ANKRD61: variants seen among roughly 807,000 people sequenced by gnomAD.
ANKRD61 encodes ankyrin repeat domain 61.
A neutral mutation model predicts 8.4 loss-of-function variants in ANKRD61; 7 were observed. That is an observed-to-expected ratio of 0.84 (90% CI 0.48 to 1.57). The LOEUF (loss-of-function observed/expected upper bound fraction) is 1.57. Among genes scored for constraint, ANKRD61 ranks in the 40% most tolerant of loss-of-function variants. ANKRD61 has a pLI of 0.00. For missense variants in ANKRD61, 516 were observed against 523.4 expected (o/e 0.99, Z 0.14); for synonymous variants, 198 against 208.0 (o/e 0.95, Z 0.41).
Position 6,035,109 on chromosome 7 carries a change from C to T in ANKRD61, c.315-335C>T, listed in dbSNP as rs1420530241. ...AGATACAGCCTTGAAGGGACACAGC[C>T]CTAGCGGGGACGGCACAGGTAAAAC... On this transcript the variant is annotated intron_variant, in intron 2 of 2. Transcript: ENST00000409061. This position sits in a 1 kb window ranked among gnomAD's most constrained non-coding sequence, Gnocchi z 5.5. Among the ~76,000 whole-genome samples, 1 of 152,136 alleles carries T rather than the reference C, an allele frequency of 6.6e-6. No individual in the cohort carries two copies. Among genetic ancestry groups the T allele is most frequent in the East Asian group, 1.9e-4 (1 of 5,204 alleles).
Position 6,035,026 on chromosome 7 carries a change from C to A in ANKRD61, c.315-418C>A, listed in dbSNP as rs1032218155. 6.6e-6 allele frequency among the ~76,000 whole-genome samples: 1 copy of A among 152,154 alleles called. No individual in the cohort carries two copies. The highest frequency in any genetic ancestry group is 2.4e-5 in the African/African-American group (1 of 41,426). On this transcript the variant is annotated intron_variant, in intron 2 of 2. Transcript: ENST00000409061. This position sits in a 1 kb window ranked among gnomAD's most constrained non-coding sequence, Gnocchi z 5.5. ...TCACACTCAAGTCCACACAATTTCA[C>A]AGAAAGCCAGTAACCCAGCCCAGCA...
chr7:6,035,707 A>C lies in ANKRD61; in HGVS notation c.578A>C (p.Asp193Ala). The C allele has an allele frequency of 6.4e-7, 1 of 1,550,856 alleles. No homozygotes were observed. Among genetic ancestry groups the C allele is most frequent in the Non-Finnish European group, 8.7e-7 (1 of 1,147,074 alleles). Reference protein sequence around the residue: ...VLSILTQNGADVNAINEASMT... With the variant: ...VLSILTQNGAAVNAINEASMT... ...TCCATTTTGACCCAAAATGGTGCCG[A>C]TGTCAATGCTATTAATGAAGCCAGC... The change falls in exon 3 of 3, where the codon GAT becomes GCT. Residue 193 changes from aspartate (D) to alanine (A), a missense_variant. Coordinates refer to ENST00000409061, the MANE Select transcript of ANKRD61 (RefSeq NM_001271700.2). The surrounding 1 kb of genome is among the most constrained non-coding windows in gnomAD (Gnocchi z 5.5).
chr7:6,036,009 A>G lies in ANKRD61; in HGVS notation c.880A>G (p.Ile294Val). The G allele has an allele frequency of 6.4e-7, 1 of 1,551,148 alleles. No individual in the cohort carries two copies. Among genetic ancestry groups the G allele is most frequent in the South Asian group, 1.2e-5 (1 of 84,060 alleles). ...ATGCTTTGGAGGCAGAGAGGCAATC[A>G]TCAATCTCCTGCTTGAATTTGAAGC... ...EACFGGREAI[I>V]NLLLEFEANV... The change falls in exon 3 of 3, where the codon ATC becomes GTC. Residue 294 changes from isoleucine (I) to valine (V), a missense_variant. Ile to Val is a conservative substitution (Grantham distance 29). Coordinates refer to ENST00000409061, the MANE Select transcript of ANKRD61 (RefSeq NM_001271700.2). This position sits in a 1 kb window ranked among gnomAD's most constrained non-coding sequence, Gnocchi z 4.6.
rs1787963678 is a variant in ANKRD61 at position 6,033,068 on chromosome 7, A to C, written c.314+132A>C. On this transcript the variant is annotated intron_variant, in intron 2 of 2. Coordinates refer to ENST00000409061, the MANE Select transcript of ANKRD61 (RefSeq NM_001271700.2). This position sits in a 1 kb window ranked among gnomAD's most constrained non-coding sequence, Gnocchi z 4.4. Reference sequence around the variant, plus strand: ...ACTGCAACCTCTACTTCCTGGGTTCAAGAGCTTCTCCCACCTCAGCCTCCC... The same window carrying C: ...ACTGCAACCTCTACTTCCTGGGTTCCAGAGCTTCTCCCACCTCAGCCTCCC... The C allele has an allele frequency of 1.4e-6, 1 of 695,886 alleles. No individual in the cohort carries two copies. Among genetic ancestry groups the C allele is most frequent in the Non-Finnish European group, 2.3e-6 (1 of 435,762 alleles). 43.1% of individuals were successfully genotyped at this position (695,886 alleles called of 1,614,324 possible).
At chr7:6,034,328 C>T (rs1315954429) in intron 2 of ANKRD61, among the ~76,000 whole-genome samples, 2 of 151,882 alleles carry the variant, frequency 1.3e-5, no homozygotes, top group Non-Finnish European at 2.9e-5. Flanking sequence ...AATAATAGAA[C>T]TTCTTGCCCC....
At position 6,031,644 on chromosome 7, in the gene ANKRD61, A is replaced by G. The variant is rs1290018755; in HGVS notation, c.216+53A>G. The G allele has an allele frequency of 2.0e-6, 3 of 1,523,216 alleles. No homozygotes were observed. In the Admixed American group the frequency reaches 5.9e-5, roughly 30 times the overall value. 94.4% of individuals were successfully genotyped at this position (1,523,216 alleles called of 1,614,324 possible). On this transcript the variant is annotated intron_variant, in intron 1 of 2. Coordinates refer to ENST00000409061, the MANE Select transcript of ANKRD61 (RefSeq NM_001271700.2). ...TGGAAAAAAGTCAGGCTGCTTAGAA[A>G]GAAGCATGATCTAAAGCTGGTGAAC...
chr7:6,034,411 C>A (rs940995623), intron 2 of ANKRD61, among the ~76,000 whole-genome samples: 1 of 152,146 alleles, frequency 6.6e-6, no homozygotes. Context: ...CACCCCACCC[C>A]AGCTCTGCAA....
intron 2 of ANKRD61, among the ~76,000 whole-genome samples, chr7:6,034,464 G>A (rs962360281): frequency 1.8e-4 from 28 of 151,878 alleles, no homozygotes; most frequent in Admixed American, 1.6e-3. Flanking sequence ...TCACAGACTC[G>A]CCCCATTCTC....
intron 1 of ANKRD61, 142 bp downstream of exon 1, chr7:6,031,733 G>A (rs1022398122): frequency 2.4e-6 from 2 of 822,134 alleles, no homozygotes; most frequent in African/African-American, 1.7e-5. Context: ...ACACACTGCA[G>A]TGCTCCCCAA....
intron 2 of ANKRD61, among the ~76,000 whole-genome samples, chr7:6,034,013 G>A (rs62456200): frequency 0.36 from 54,890 of 151,154 alleles, 10,942 homozygotes; most frequent in Middle Eastern, 0.52. Context: ...CTATCCGAGT[G>A]AATGAAAGAA....
In ANKRD61 at chr7:6,035,831, G is replaced by A. The variant is rs577104833; in HGVS notation, c.702G>A (p.Thr234=). 5.9e-5 allele frequency: 91 copies of A among 1,549,166 alleles called. No homozygotes were observed. The African/African-American group carries it at 9.9e-4, about 17-fold the overall frequency. ...ACGTCAACTGTGCTGTCTCTTCCAC[G>A]GGGAACACGCCCCTGAAGCTTGCAG... is the stretch of plus-strand genomic sequence containing the variant. ...GANVNCAVSS[T]GNTPLKLAVC... is the part of the protein sequence containing the mutation. Residue 234 remains threonine (T), a synonymous_variant, in exon 3 of 3, where the codon ACG becomes ACA. Coordinates refer to ENST00000409061, the MANE Select transcript of ANKRD61 (RefSeq NM_001271700.2). This position sits in a 1 kb window ranked among gnomAD's most constrained non-coding sequence, Gnocchi z 5.5.
At position 6,034,875 on chromosome 7, in the gene ANKRD61, C is replaced by T. The variant is rs143038214; in HGVS notation, c.315-569C>T. 4.0e-3 allele frequency among the ~76,000 whole-genome samples: 610 copies of T among 152,280 alleles called. 12 individuals carry two copies. The highest frequency in any genetic ancestry group is 0.015 in the East Asian group (76 of 5,176). On this transcript the variant is annotated intron_variant, in intron 2 of 2. Coordinates refer to ENST00000409061, the MANE Select transcript of ANKRD61 (RefSeq NM_001271700.2). Reference sequence around the variant, plus strand: ...GACCACAGGTCTTCAGATTCAACCCCTGTCACTTCTGCTCCCTACACACTC... The same window carrying T: ...GACCACAGGTCTTCAGATTCAACCCTTGTCACTTCTGCTCCCTACACACTC...
Position 6,033,390 on chromosome 7 carries a change from A to G in ANKRD61, c.314+454A>G, listed in dbSNP as rs1158400300. On this transcript the variant is annotated intron_variant, in intron 2 of 2. Coordinates refer to ENST00000409061, the MANE Select transcript of ANKRD61 (RefSeq NM_001271700.2). This position sits in a 1 kb window ranked among gnomAD's most constrained non-coding sequence, Gnocchi z 4.4. ...TATGAATGAACCAATGTCTTTACTG[A>G]GTAGATGAGATACTCTGAAAAACTG... 6.6e-6 allele frequency among the ~76,000 whole-genome samples: 1 copy of G among 152,110 alleles called. No homozygotes were observed. The highest frequency in any genetic ancestry group is 2.4e-5 in the African/African-American group (1 of 41,410).
In ANKRD61 at chr7:6,033,201, T is replaced by A. The variant is rs1258398933; in HGVS notation, c.314+265T>A. ...CCAGGCTGGTCTTGAACTCCTGGCC[T>A]CAAGTGATCCACCTGCCTCGGCCTC... On this transcript the variant is annotated intron_variant, in intron 2 of 2. Coordinates refer to ENST00000409061, the MANE Select transcript of ANKRD61 (RefSeq NM_001271700.2). This position sits in a 1 kb window ranked among gnomAD's most constrained non-coding sequence, Gnocchi z 4.4. Among the ~76,000 whole-genome samples the A allele has an allele frequency of 6.6e-6, 1 of 152,174 alleles. No individual in the cohort carries two copies. The highest frequency in any genetic ancestry group is 1.5e-5 in the Non-Finnish European group (1 of 68,018).
At position 6,035,860 on chromosome 7, in the gene ANKRD61, G is replaced by A; in HGVS notation, c.731G>A (p.Cys244Tyr). The change falls in exon 3 of 3, where the codon TGC (cysteine) becomes TAC (tyrosine). Residue 244 changes from cysteine (C) to tyrosine (Y), a missense_variant. Cys to Tyr is a radical substitution (Grantham distance 194, BLOSUM62 -2). Transcript: ENST00000409061. This position sits in a 1 kb window ranked among gnomAD's most constrained non-coding sequence, Gnocchi z 5.5. Reference sequence around the variant, plus strand: ...AACACGCCCCTGAAGCTTGCAGTGTGCACTGCATCAAGCAAAGCAGGCCGA... The same window carrying A: ...AACACGCCCCTGAAGCTTGCAGTGTACACTGCATCAAGCAAAGCAGGCCGA... ...TGNTPLKLAV[C>Y]TASSKAGRLL... The A allele has an allele frequency of 2.6e-6, 4 of 1,548,058 alleles. No individual in the cohort carries two copies. Among genetic ancestry groups the A allele is most frequent in the South Asian group, 2.4e-5 (2 of 83,710 alleles).
chr7:6,033,067 C>G lies in ANKRD61; in HGVS notation c.314+131C>G. On this transcript the variant is annotated intron_variant, in intron 2 of 2. Transcript: ENST00000409061. This position sits in a 1 kb window ranked among gnomAD's most constrained non-coding sequence, Gnocchi z 4.4. ...CACTGCAACCTCTACTTCCTGGGTTCAAGAGCTTCTCCCACCTCAGCCTCC... is the reference window on the plus strand; with the variant it reads ...CACTGCAACCTCTACTTCCTGGGTTGAAGAGCTTCTCCCACCTCAGCCTCC... The G allele has an allele frequency of 4.3e-6, 3 of 699,472 alleles. No individual in the cohort carries two copies. The highest frequency in any genetic ancestry group is 6.8e-6 in the Non-Finnish European group (3 of 438,302). 43.3% of individuals were successfully genotyped at this position (699,472 alleles called of 1,614,324 possible).
At chr7:6,034,595 C>T (rs1269930581) in intron 2 of ANKRD61, among the ~76,000 whole-genome samples, 1 of 152,210 alleles carries the variant, frequency 6.6e-6, no homozygotes, top group Non-Finnish European at 1.5e-5. Flanking sequence ...GTCTATCTTC[C>T]CTGCTAGACT....
Position 6,036,405 on chromosome 7 carries a change from C to G in ANKRD61, c.*19C>G. 6.9e-7 allele frequency: 1 copy of G among 1,440,702 alleles called. No individual in the cohort carries two copies. Among genetic ancestry groups the G allele is most frequent in the Non-Finnish European group, 9.1e-7 (1 of 1,098,028 alleles). The allele number at this position is 1,440,702 out of a possible 1,614,324, so 89.2% of individuals were successfully genotyped here. ...CTCTTGAAATAAGACCTCCCAGTTT[C>G]ACAGCAGAGGGACTTTCAGCCACTC... is the stretch of plus-strand genomic sequence containing the variant. On this transcript the variant is annotated 3_prime_UTR_variant, in exon 3 of 3. Coordinates refer to ENST00000409061, the MANE Select transcript of ANKRD61 (RefSeq NM_001271700.2). This position sits in a 1 kb window ranked among gnomAD's most constrained non-coding sequence, Gnocchi z 4.6.
rs537307682 is a variant in ANKRD61, at chr7:6,033,671, G to A, written c.314+735G>A. Among the ~76,000 whole-genome samples the A allele has an allele frequency of 2.0e-5, 3 of 151,008 alleles. No homozygotes were observed. The highest frequency in any genetic ancestry group is 4.5e-5 in the Non-Finnish European group (3 of 67,282). On this transcript the variant is annotated intron_variant, in intron 2 of 2. Coordinates refer to ENST00000409061, the MANE Select transcript of ANKRD61 (RefSeq NM_001271700.2). The surrounding 1 kb of genome is among the most constrained non-coding windows in gnomAD (Gnocchi z 4.4). The stretch of plus-strand genomic sequence containing the variant: ...AGTGGCACCATTCTCCTGGGTTCAC[G>A]CCATTCTCCTGCCTCAGCCTCCCAA...
Sources: gnomAD v4.1 joint callset for allele counts (sites outside exome capture counted in the v4.1 genomes callset) on GRCh38, gnomAD v4.1.1 for gene constraint, Gnocchi (gnomAD v3.1) non-coding constraint, MANE v1.5 for transcripts, NCBI Gene and HGNC (gene_info 2026-07-23, HGNC 2026-07-21) for gene names.